FAAP20: variants seen among roughly 807,000 people sequenced by gnomAD.
FAAP20 encodes the protein Fanconi anemia core complex-associated protein 20.
In FAAP20, 12 loss-of-function variants were observed where a neutral mutation model predicts 16.2. The ratio of observed to expected loss-of-function variants is 0.74; its 90% confidence interval spans 0.48 to 1.20. The LOEUF (loss-of-function observed/expected upper bound fraction) is 1.20. Ranked by LOEUF, FAAP20 falls within the 50% of genes most tolerant of loss-of-function variation. FAAP20 has a pLI of 0.00. For missense variants in FAAP20, 288 were observed against 245.8 expected (o/e 1.17, Z -1.15); for synonymous variants, 141 against 110.7 (o/e 1.27, Z -1.72).
chr1:2,186,495 CGCCCCCCCCCG>C (rs1015299917), downstream of FAAP20, among the ~76,000 whole-genome samples: 1 of 117,390 alleles, frequency 8.5e-6, no homozygotes, highest in African/African-American at 3.2e-5. Context: ...CCTGGACACC[CGCCCCCCCCCG>C]GCCAGCTCAG....
At chr1:2,187,359 C>T (rs1286371369), downstream of FAAP20, among the ~76,000 whole-genome samples, 1 of 149,458 alleles carries the variant, frequency 6.7e-6, no homozygotes, top group Non-Finnish European at 1.5e-5. Context: ...GGCTGGAGTG[C>T]AGTGGCGAGA....
chr1:2,194,690 G>A lies in FAAP20; in HGVS notation c.60C>T (p.Gly20=), dbSNP rs1476895757. Residue 20 remains glycine (G), a splice_region_variant and synonymous_variant, in exon 1 of 4, where the codon GGC becomes GGT. Transcript: ENST00000378546. ...CCCCGCCCGGCTCCCGGCCTCACCCGCCCGCCGGGCGCGGCCTCCGGCGGC... is the reference window on the plus strand; with the variant it reads ...CCCCGCCCGGCTCCCGGCCTCACCCACCCGCCGGGCGCGGCCTCCGGCGGC... ...GLSRRRPRPA[G]GPSGGRPWFL... The A allele has an allele frequency of 1.1e-5, 12 of 1,134,368 alleles. No individual in the cohort carries two copies. In the African/African-American group the frequency reaches 1.9e-4, roughly 18 times the overall value. The allele number at this position is 1,134,368 out of a possible 1,614,324, so 70.3% of individuals were successfully genotyped here.
chr1:2,190,051 A>C (rs1439023562), intron 3 of FAAP20: 2 of 596,662 alleles, frequency 3.4e-6, no homozygotes, highest in Non-Finnish European at 3.1e-6. Context: ...AAGCCTCTCT[A>C]TGGGATTCTG....
chr1:2,198,292 CA>C, upstream of FAAP20: 1 of 727,096 alleles, frequency 1.4e-6, no homozygotes, highest in Non-Finnish European at 2.0e-6. Context: ...TGGGTGGGGG[CA>C]TCAGAGCCAC....
chr1:2,195,381 C>G (rs969533744), upstream of FAAP20, among the ~76,000 whole-genome samples: 2 of 152,222 alleles, frequency 1.3e-5, no homozygotes, highest in South Asian at 4.1e-4. Context: ...GCCCAGGCAC[C>G]CTGGTGCCAC....
Position 2,194,020 on chromosome 1 carries a change from G to A in FAAP20, c.176C>T (p.Ser59Leu). ...CACCTGTCCTGGGAAGGCGGGCAGT[G>A]AAGGCACCTCGTGATCCAGGATCAG... The part of the protein sequence containing the change: ...PELILDHEVP[S>L]LPAFPGQEPR... The change falls in exon 2 of 4, where the codon TCA (serine) becomes TTA (leucine). Residue 59 changes from serine (S) to leucine (L), a missense_variant. Coordinates refer to ENST00000378546, the MANE Select transcript of FAAP20 (RefSeq NM_182533.4). 2 of 1,612,786 alleles carry A rather than the reference G, an allele frequency of 1.2e-6. No individual in the cohort carries two copies. The highest frequency in any genetic ancestry group is 8.5e-7 in the Non-Finnish European group (1 of 1,179,972).
downstream of FAAP20, chr1:2,185,560 T>C: frequency 2.8e-6 from 2 of 711,394 alleles, no homozygotes; most frequent in Admixed American, 2.0e-5. Context: ...AAAACCCCGG[T>C]AAGTTCCTGT....
downstream of FAAP20, among the ~76,000 whole-genome samples, chr1:2,211,435 A>ATTTTTT (rs1164460550): frequency 3.5e-4 from 3 of 8,566 alleles, 1 homozygote; most frequent in Non-Finnish European, 4.8e-4. Flanking sequence ...ATATATATAT[A>ATTTTTT]TTTTTTTTTT....
At chr1:2,184,691 G>A (rs1291058926), downstream of FAAP20, 1 of 1,612,964 alleles carries the variant, frequency 6.2e-7, no homozygotes. Context: ...GCTGACCCCA[G>A]ACGATGAGTG....
At chr1:2,193,295 G>A (rs538731291) in intron 3 of FAAP20, 6 of 477,748 alleles carry the variant, frequency 1.3e-5, no homozygotes, top group Middle Eastern at 5.6e-4. Context: ...AACCCATGAC[G>A]CACTCTCGGG....
Position 2,189,653 on chromosome 1 carries a change from T to G in FAAP20, c.*56A>C. ...CGGGGGAGCCGAGAGGCGGGGCTGC[T>G]GGCGGGGGAGAGCGTGTCCGGGCGC... On this transcript the variant is annotated 3_prime_UTR_variant, in exon 4 of 4. Transcript: ENST00000378546. 4 of 1,452,030 alleles carry G rather than the reference T, an allele frequency of 2.8e-6. No individual in the cohort carries two copies. The Admixed American group carries it at 7.1e-5, about 26-fold the overall frequency. The allele number at this position is 1,452,030 out of a possible 1,614,324, so 89.9% of individuals were successfully genotyped here. A position where few individuals can be genotyped will look rare whatever the true frequency, so the allele number is the denominator to read the frequency against.
upstream of FAAP20, chr1:2,199,181 C>G (rs1688943389): frequency 8.5e-7 from 1 of 1,176,380 alleles, no homozygotes; most frequent in South Asian, 1.6e-5. The surrounding 1 kb of genome is among the most constrained non-coding windows in gnomAD (Gnocchi z 4.5). Context: ...TGGCCTGTGT[C>G]TGGGCCAGCA....
intron 1 of FAAP20, 165 bp from the exon 2 acceptor site, chr1:2,194,298 G>A: frequency 1.9e-6 from 1 of 526,944 alleles, no homozygotes; most frequent in South Asian, 2.0e-5. Context: ...GGGCTGCTGG[G>A]GCAGACAGTG....
rs563316537 is a variant in FAAP20 at position 2,192,776 on chromosome 1, G to C, written c.470+863C>G. 61 of 1,106,586 alleles carry C rather than the reference G, an allele frequency of 5.5e-5. No individual in the cohort carries two copies. In the South Asian group the frequency reaches 7.6e-4, roughly 14 times the overall value. 68.5% of individuals were successfully genotyped at this position (1,106,586 alleles called of 1,614,324 possible). A position where few individuals can be genotyped will look rare whatever the true frequency, so the allele number is the denominator to read the frequency against. On this transcript the variant is annotated intron_variant, in intron 3 of 3. Transcript: ENST00000378546. Reference sequence around the variant, plus strand: ...CCACAGGCACGCGCCACCACGCCCAGGCATGTAAAGATGGGATCTTGCCAT... The same window carrying C: ...CCACAGGCACGCGCCACCACGCCCACGCATGTAAAGATGGGATCTTGCCAT...
chr1:2,185,605 G>T (rs879221178), downstream of FAAP20: 42 of 681,958 alleles, frequency 6.2e-5, no homozygotes, highest in South Asian at 6.8e-4. Flanking sequence ...AGCCGCTGTG[G>T]TCTAGGGTGA....
downstream of FAAP20, among the ~76,000 whole-genome samples, chr1:2,208,187 C>G (rs925065009): frequency 6.6e-6 from 1 of 152,038 alleles, no homozygotes; most frequent in Non-Finnish European, 1.5e-5. Context: ...CAACGGGCAC[C>G]TGGCCCTAGG....
chr1:2,200,828 C>A (rs1689020029), upstream of FAAP20: 4 of 1,024,776 alleles, frequency 3.9e-6, no homozygotes, highest in Non-Finnish European at 4.7e-6. Flanking sequence ...CTTGGAGGAT[C>A]CCCCAAGGTC....
At chr1:2,212,706 G>C (rs975878602), upstream of FAAP20, 1 of 286,440 alleles carries the variant, frequency 3.5e-6, no homozygotes, top group African/African-American at 2.3e-5. Context: ...TCTGAAAAGC[G>C]AGGCATCCAT....
At chr1:2,195,916 G>C (rs546811421), upstream of FAAP20, among the ~76,000 whole-genome samples, 3 of 152,194 alleles carry the variant, frequency 2.0e-5, no homozygotes, top group African/African-American at 7.2e-5. Flanking sequence ...CAGGCCCTTC[G>C]ACTTGAGTGA....
Sources: gnomAD v4.1 joint callset for allele counts (sites outside exome capture counted in the v4.1 genomes callset) on GRCh38, gnomAD v4.1.1 for gene constraint, Gnocchi (gnomAD v3.1) non-coding constraint, MANE v1.5 for transcripts, NCBI Gene and HGNC (gene_info 2026-07-23, HGNC 2026-07-21) for gene names.